Variants in MYH14 observed in about 807,000 individuals in gnomAD.
MYH14 encodes the protein myosin-14.
A neutral mutation model predicts 255.5 loss-of-function variants in MYH14; 123 were observed. That is an observed-to-expected ratio of 0.48 (90% CI 0.42 to 0.56). The LOEUF (loss-of-function observed/expected upper bound fraction) is 0.56. MYH14 is among the 20% of genes least tolerant of loss of function. The probability of loss-of-function intolerance (pLI) is 0.00; values close to 1 mark genes in which losing one functional copy is unlikely to be tolerated. For missense variants in MYH14, 2,423 were observed against 2,802.3 expected (o/e 0.86, Z 3.06); for synonymous variants, 1,095 against 1,161.2 (o/e 0.94, Z 1.16).
chr19:50,289,368 C>A, intron 34 of MYH14, 68 bp from the exon 35 acceptor site: 1 of 1,314,548 alleles, frequency 7.6e-7, no homozygotes, highest in Non-Finnish European at 1.1e-6. Context: ...TCTTCCCCTA[C>A]TCTAGCTAGG....
At chr19:50,294,652 C>G (rs1286441106) in intron 39 of MYH14, among the ~76,000 whole-genome samples, 1 of 151,214 alleles carries the variant, frequency 6.6e-6, no homozygotes, top group African/African-American at 2.4e-5. Context: ...TCGCTTCAGC[C>G]TGGGAGATTG....
At chr19:50,217,531 G>A in intron 2 of MYH14, 84 bp from the exon 3 acceptor site, 3 of 1,511,830 alleles carry the variant, frequency 2.0e-6, no homozygotes, top group Non-Finnish European at 9.2e-7. Flanking sequence ...CCCTTGTGCA[G>A]TGCACGGCCT....
chr19:50,284,096 A>AC (rs199996408), intron 33 of MYH14, among the ~76,000 whole-genome samples: 3,630 of 151,736 alleles, frequency 0.024, 62 homozygotes, highest in Non-Finnish European at 0.036. Context: ...AAAAAACAAA[A>AC]AAAAAACAAA....
chr19:50,249,891 C>A, intron 14 of MYH14, 68 bp downstream of exon 14: 1 of 1,576,594 alleles, frequency 6.3e-7, no homozygotes, highest in Non-Finnish European at 8.7e-7. Context: ...TCTGCGAGAC[C>A]AGGGTCTAGC....
intron 2 of MYH14, among the ~76,000 whole-genome samples, chr19:50,211,081 A>G (rs1247151452): frequency 6.6e-6 from 1 of 152,218 alleles, no homozygotes; most frequent in Admixed American, 6.5e-5. Context: ...CAGATGTGTG[A>G]CAATCATTAA....
In MYH14 at chr19:50,250,812, G is replaced by C. The variant is rs2034343370; in HGVS notation, c.1830+124G>C. On this transcript the variant is annotated intron_variant, in intron 15 of 42. Coordinates refer to ENST00000642316, the MANE Select transcript of MYH14 (RefSeq NM_001145809.2). This position sits in a 1 kb window ranked among gnomAD's most constrained non-coding sequence, Gnocchi z 5.4. ...TCCTGAGGTCCAGACAAACAGAGCA[G>C]GGGCTAGGAGAGCCCAGGGAGGAGC... 1 of 1,009,796 alleles carries C rather than the reference G, an allele frequency of 9.9e-7. No homozygotes were observed. The highest frequency in any genetic ancestry group is 1.4e-6 in the Non-Finnish European group (1 of 699,328). 62.6% of individuals were successfully genotyped at this position (1,009,796 alleles called of 1,614,324 possible). A position where few individuals can be genotyped will look rare whatever the true frequency, so the allele number is the denominator to read the frequency against.
At position 50,310,320 on chromosome 19, in the gene MYH14, A is replaced by C; in HGVS notation, c.*530A>C. 6.1e-6 allele frequency: 1 copy of C among 164,092 alleles called. No homozygotes were observed. 10.2% of individuals were successfully genotyped at this position (164,092 alleles called of 1,614,324 possible). On this transcript the variant is annotated 3_prime_UTR_variant, in exon 43 of 43. Coordinates refer to ENST00000642316, the MANE Select transcript of MYH14 (RefSeq NM_001145809.2). ...CTCTCCTTCCCCCATTTCTGCGTCC[A>C]CCCCTGAACTCCTGAGCGACAGAAG... is the stretch of plus-strand genomic sequence containing the variant.
intron 30 of MYH14, 106 bp downstream of exon 30, chr19:50,278,395 G>T: frequency 8.6e-6 from 7 of 813,626 alleles, no homozygotes; most frequent in Admixed American, 6.1e-5. Context: ...GTCTCGTTTG[G>T]CTCTTCCAAC....
chr19:50,287,308 T>C (rs183495407), intron 34 of MYH14, among the ~76,000 whole-genome samples: 71 of 152,384 alleles, frequency 4.7e-4, no homozygotes, highest in African/African-American at 1.7e-3. Flanking sequence ...ATCCAGCACA[T>C]GTGTTCACAC....
At chr19:50,260,904 C>T (rs974306606) in intron 20 of MYH14, among the ~76,000 whole-genome samples, 189 bp downstream of exon 20, 1 of 151,182 alleles carries the variant, frequency 6.6e-6, no homozygotes, top group African/African-American at 2.4e-5. Flanking sequence ...TGTGTGCATG[C>T]GTTTGTGTGC....
Position 50,280,771 on chromosome 19 carries a change from G to C in MYH14, c.4290+388G>C, listed in dbSNP as rs1192572473. 1.3e-5 allele frequency among the ~76,000 whole-genome samples: 2 copies of C among 152,164 alleles called. No homozygotes were observed. Among genetic ancestry groups the C allele is most frequent in the Non-Finnish European group, 2.9e-5 (2 of 68,034 alleles). On this transcript the variant is annotated intron_variant, in intron 32 of 42. Coordinates refer to ENST00000642316, the MANE Select transcript of MYH14 (RefSeq NM_001145809.2). This position sits in a 1 kb window ranked among gnomAD's most constrained non-coding sequence, Gnocchi z 4.8. ...CTCACAGCTCTCCCACGCCTCCCCA[G>C]TACTCCTAGACAAAGTCCATGCCTC...
intron 3 of MYH14, 128 bp from the exon 4 acceptor site, chr19:50,222,955 C>A: frequency 1.1e-6 from 1 of 925,706 alleles, no homozygotes; most frequent in Non-Finnish European, 1.8e-6. Context: ...GATTGTTACA[C>A]ATCAAGACCC....
rs1253945608 is a variant in MYH14 at position 50,255,303 on chromosome 19, A to C, written c.2029A>C (p.Ile677Leu). The C allele has an allele frequency of 5.2e-6, 8 of 1,550,758 alleles. No homozygotes were observed. The highest frequency in any genetic ancestry group is 5.2e-6 in the Non-Finnish European group (6 of 1,146,804). Residue 677 changes from isoleucine to leucine, a missense_variant, in exon 17 of 43, where the codon ATT becomes CTT. This residue lies in a region of MYH14 where 672 missense variants were observed against 881.8 expected (regional missense o/e 0.76). Transcript: ENST00000642316. Reference sequence around the variant, plus strand: ...ATCTGCAGAGAGGTGCAGCTCTGCTATTTCTCCGCCAGGGGGTGGGTGTCT... The same window carrying C: ...ATCTGCAGAGAGGTGCAGCTCTGCTCTTTCTCCGCCAGGGGGTGGGTGTCT... ...PGSAERCSSA[I>L]SPPGVEGIVG...
rs2032803673 is a variant in MYH14, at chr19:50,221,253, G to A, written c.563-1830G>A. On this transcript the variant is annotated intron_variant, in intron 3 of 42. Coordinates refer to ENST00000642316, the MANE Select transcript of MYH14 (RefSeq NM_001145809.2). The surrounding 1 kb of genome is among the most constrained non-coding windows in gnomAD (Gnocchi z 5.3). ...CAGCTGTTTTGAGCCCCATTTTTCA[G>A]ATGGGAAAACAGAGGCACAAAGCAA... Among the ~76,000 whole-genome samples the A allele has an allele frequency of 6.6e-6, 1 of 152,078 alleles. No homozygotes were observed. The highest frequency in any genetic ancestry group is 1.5e-5 in the Non-Finnish European group (1 of 68,006).
In MYH14 at chr19:50,227,051, A is replaced by G. The variant is rs1344950519; in HGVS notation, c.874+85A>G. On this transcript the variant is annotated intron_variant, in intron 8 of 42. Transcript: ENST00000642316. Reference sequence around the variant, plus strand: ...GAGTATGGAAAGCACCTCCCACTGCAGGGACCCCTTACCTGCTACTCAGAT... The same window carrying G: ...GAGTATGGAAAGCACCTCCCACTGCGGGGACCCCTTACCTGCTACTCAGAT... 2.7e-6 allele frequency: 3 copies of G among 1,126,486 alleles called. No individual in the cohort carries two copies. The East Asian group carries it at 1.4e-4, about 52-fold the overall frequency. 69.8% of individuals were successfully genotyped at this position (1,126,486 alleles called of 1,614,324 possible).
intron 32 of MYH14, 145 bp from the exon 33 acceptor site, chr19:50,281,449 C>A: frequency 8.3e-7 from 1 of 1,203,138 alleles, no homozygotes; most frequent in Non-Finnish European, 1.1e-6. Flanking sequence ...AACTTCACAC[C>A]ACTCAGAGGC....
chr19:50,222,202 C>G (rs1327508367), intron 3 of MYH14, among the ~76,000 whole-genome samples: 1 of 152,098 alleles, frequency 6.6e-6, no homozygotes, highest in Non-Finnish European at 1.5e-5. Context: ...CTGCTTCGGC[C>G]GGGTGCAGTG....
At chr19:50,209,932 T>C (rs781390220) in intron 1 of MYH14, among the ~76,000 whole-genome samples, 4 of 150,290 alleles carry the variant, frequency 2.7e-5, no homozygotes, top group African/African-American at 9.8e-5. Context: ...ACCCTGTCTC[T>C]ACTAAAAATA....
At chr19:50,257,232 C>A in intron 17 of MYH14, 67 bp from the exon 18 acceptor site, 1 of 1,371,014 alleles carries the variant, frequency 7.3e-7, no homozygotes, top group Non-Finnish European at 9.9e-7. Context: ...GACCCTTGAC[C>A]TTTGGCCCAG....
Sources: gnomAD v4.1 joint callset for allele counts (sites outside exome capture counted in the v4.1 genomes callset) on GRCh38, gnomAD v4.1.1 for gene constraint, gnomAD v4.1.1 regional missense constraint, Gnocchi (gnomAD v3.1) non-coding constraint, MANE v1.5 for transcripts, NCBI Gene and HGNC (gene_info 2026-07-23, HGNC 2026-07-21) for gene names.